DACH1: variants seen among roughly 807,000 people sequenced by gnomAD.
DACH1 encodes dachshund homolog 1.
DACH1 carries 12 observed loss-of-function variants against 54.2 expected under a neutral mutation model. The ratio of observed to expected loss-of-function variants is 0.22; its 90% confidence interval spans 0.14 to 0.36. The LOEUF is 0.36. Ranked by LOEUF, DACH1 falls within the 10% of genes least tolerant of loss-of-function variation. DACH1 has a pLI of 1.00. For synonymous variants in DACH1, 386 were observed against 366.2 expected, an observed-to-expected ratio of 1.05 and a Z score of -0.62; for missense variants, 805 against 929.8, an observed-to-expected ratio of 0.87 and a Z score of 1.75.
intron 1 of DACH1, among the ~76,000 whole-genome samples, chr13:71,781,449 G>A (rs934322882): frequency 4.0e-5 from 6 of 151,418 alleles, no homozygotes; most frequent in Non-Finnish European, 7.4e-5. Context: ...CACCATCTCG[G>A]CTCACTGCAA....
intron 6 of DACH1, among the ~76,000 whole-genome samples, chr13:71,509,486 G>A (rs571347444): frequency 1.1e-3 from 164 of 152,168 alleles, no homozygotes; most frequent in African/African-American, 3.8e-3. Flanking sequence ...CTAAGTACAA[G>A]GTTATCAGGG....
At chr13:71,567,625 A>G (rs1295324283) in intron 4 of DACH1, among the ~76,000 whole-genome samples, 1 of 152,046 alleles carries the variant, frequency 6.6e-6, no homozygotes, top group Non-Finnish European at 1.5e-5. Flanking sequence ...AAGACTTCCA[A>G]AGATTAAATA....
At chr13:71,725,341 C>A (rs751324653) in intron 1 of DACH1, among the ~76,000 whole-genome samples, 95 of 151,988 alleles carry the variant, frequency 6.3e-4, no homozygotes, top group Admixed American at 1.6e-3. Context: ...TAGAAATTAA[C>A]CAAAATATCG....
intron 6 of DACH1, among the ~76,000 whole-genome samples, chr13:71,527,451 G>A (rs2138296219): frequency 6.6e-6 from 1 of 152,256 alleles, no homozygotes; most frequent in East Asian, 1.9e-4. Context: ...AATTGGAGTA[G>A]AAAAGTTGAA....
chr13:71,732,821 GTCTC>G (rs1362619902), intron 1 of DACH1, among the ~76,000 whole-genome samples: 1 of 152,008 alleles, frequency 6.6e-6, no homozygotes, highest in Non-Finnish European at 1.5e-5. Flanking sequence ...CTATCTAACC[GTCTC>G]TAGAAACAGT....
rs553827375 is a variant in DACH1, at chr13:71,466,094, C to T, written c.2083+9047G>A. Among the ~76,000 whole-genome samples the T allele has an allele frequency of 1.5e-3, 228 of 152,056 alleles. 1 individual carries two copies. The highest frequency in any genetic ancestry group is 5.2e-3 in the African/African-American group (214 of 41,456). ...GTTTATTTTGCATGTTTATACTGAC[C>T]GCAGAGATGTGTCACAACTTTTAAA... On this transcript the variant is annotated intron_variant, in intron 10 of 10. Coordinates refer to ENST00000613252, the MANE Select transcript of DACH1 (RefSeq NM_080759.6).
intron 10 of DACH1, among the ~76,000 whole-genome samples, chr13:71,445,156 A>C (rs1874338002): frequency 6.6e-6 from 1 of 152,296 alleles, no homozygotes; most frequent in African/African-American, 2.4e-5. Context: ...TGTTTGCATT[A>C]AAAGTTTTAG....
chr13:71,866,311 A>ACTGCTGCTGCTGCTGCTGCTG lies in DACH1; in HGVS notation c.438_458dup (p.Ser157_Ser163dup). The ACTGCTGCTGCTGCTGCTGCTG allele has an allele frequency of 6.6e-7, 1 of 1,520,712 alleles. No individual in the cohort carries two copies. The highest frequency in any genetic ancestry group is 8.9e-7 in the Non-Finnish European group (1 of 1,126,290). The allele number at this position is 1,520,712 out of a possible 1,614,324, so 94.2% of individuals were successfully genotyped here. A position where few individuals can be genotyped will look rare whatever the true frequency, so the allele number is the denominator to read the frequency against. ...TGCTGCTACTGCTGCTGCTGCTACT[A>ACTGCTGCTGCTGCTGCTGCTG]CTGCTGCTGCTGCTGCTGCTGCTAC... On this transcript the variant is annotated inframe_insertion, in exon 1 of 11. Transcript: ENST00000613252.
chr13:71,659,454 A>C (rs1007363086), intron 2 of DACH1, among the ~76,000 whole-genome samples: 3 of 152,140 alleles, frequency 2.0e-5, no homozygotes, highest in African/African-American at 7.2e-5. Flanking sequence ...TTCCCAGTGG[A>C]AAATATCTTG....
At chr13:71,500,685 A>AGT (rs1023055473) in intron 6 of DACH1, among the ~76,000 whole-genome samples, 1 of 152,188 alleles carries the variant, frequency 6.6e-6, no homozygotes, top group Admixed American at 6.6e-5. Context: ...TAAAAGATAA[A>AGT]GTGTCAATTT....
chr13:71,805,801 T>A (rs1360343303), intron 1 of DACH1, among the ~76,000 whole-genome samples: 1 of 152,092 alleles, frequency 6.6e-6, no homozygotes, highest in African/African-American at 2.4e-5. Context: ...ATAATAATAT[T>A]CATTTGAATT....
At chr13:71,747,570 G>C (rs1231212163) in intron 1 of DACH1, among the ~76,000 whole-genome samples, 1 of 152,106 alleles carries the variant, frequency 6.6e-6, no homozygotes, top group East Asian at 1.9e-4. Flanking sequence ...GACAGAGTGA[G>C]ACTCCATCCC....
intron 1 of DACH1, among the ~76,000 whole-genome samples, chr13:71,726,296 G>GA: frequency 6.6e-6 from 1 of 152,144 alleles, no homozygotes; most frequent in Non-Finnish European, 1.5e-5. Context: ...ATTACTGAGA[G>GA]AAAAAGCAAA....
intron 2 of DACH1, among the ~76,000 whole-genome samples, chr13:71,673,083 GAA>G (rs974151413): frequency 2.0e-5 from 3 of 152,146 alleles, no homozygotes; most frequent in Non-Finnish European, 4.4e-5. Flanking sequence ...ACCAGTGTAG[GAA>G]AAGAGACTAC....
chr13:71,606,884 C>G (rs1039585368), intron 3 of DACH1, among the ~76,000 whole-genome samples: 2 of 151,896 alleles, frequency 1.3e-5, no homozygotes, highest in Non-Finnish European at 2.9e-5. Context: ...TGAGAATGAT[C>G]TAGTCATTAC....
chr13:71,511,789 A>G (rs530142720), intron 6 of DACH1, among the ~76,000 whole-genome samples: 1 of 151,994 alleles, frequency 6.6e-6, no homozygotes, highest in Admixed American at 6.6e-5. Flanking sequence ...TTAGCCTTTA[A>G]CTAGATTTCC....
chr13:71,717,029 T>A (rs953190877), intron 1 of DACH1, among the ~76,000 whole-genome samples: 1 of 152,006 alleles, frequency 6.6e-6, no homozygotes, highest in East Asian at 1.9e-4. Flanking sequence ...GGAATAGCCT[T>A]TCCAAAAAAT....
chr13:71,508,298 G>A (rs762694760), intron 6 of DACH1, among the ~76,000 whole-genome samples: 90 of 151,998 alleles, frequency 5.9e-4, no homozygotes, highest in Admixed American at 2.2e-3. Flanking sequence ...AAGTATTTTC[G>A]TCCTGTTTCT....
At position 71,630,733 on chromosome 13, in the gene DACH1, T is replaced by A; in HGVS notation, c.965-16A>T. ...GCTGTCAGACCTTAAAAGAATAAAT[T>A]AAAAATGAGGTAATTCAAATTCTGA... On this transcript the variant is annotated splice_polypyrimidine_tract_variant and intron_variant, in intron 2 of 10. Coordinates refer to ENST00000613252, the MANE Select transcript of DACH1 (RefSeq NM_080759.6). 6.5e-7 allele frequency: 1 copy of A among 1,545,762 alleles called. No homozygotes were observed. Among genetic ancestry groups the A allele is most frequent in the Non-Finnish European group, 8.7e-7 (1 of 1,156,044 alleles).
Sources: gnomAD v4.1 joint callset for allele counts (sites outside exome capture counted in the v4.1 genomes callset) on GRCh38, gnomAD v4.1.1 for gene constraint, MANE v1.5 for transcripts, NCBI Gene and HGNC (gene_info 2026-07-23, HGNC 2026-07-21) for gene names.